The following PPME1 variants were observed in gnomAD, a reference collection of about 807,000 sequenced individuals.
PPME1 encodes the protein protein phosphatase methylesterase 1.
Under a neutral mutation model 56.9 loss-of-function variants are expected in PPME1, and 17 were observed. The ratio of observed to expected loss-of-function variants is 0.30; its 90% CI spans 0.20 to 0.45. The LOEUF is 0.45. Among genes scored for constraint, PPME1 ranks in the 20% least tolerant of loss-of-function variants. The probability of loss-of-function intolerance (pLI) is 1.00; values close to 1 mark genes in which losing one functional copy is unlikely to be tolerated. For synonymous variants in PPME1, 122 were observed against 156.2 expected (o/e 0.78, Z 1.63); for missense variants, 357 against 483.2 (o/e 0.74, Z 2.45).
chr11:74,194,714 A>G (rs1485733997), intron 1 of PPME1, among the ~76,000 whole-genome samples: 1 of 152,138 alleles, frequency 6.6e-6, no homozygotes, highest in Non-Finnish European at 1.5e-5. Context: ...AGTCCCTAAT[A>G]TAAGATGTCT....
At chr11:74,226,164 T>A (rs1858926912) in intron 5 of PPME1, among the ~76,000 whole-genome samples, 1 of 152,218 alleles carries the variant, frequency 6.6e-6, no homozygotes, top group Non-Finnish European at 1.5e-5. Flanking sequence ...ACTTTTTATC[T>A]GCCAACTTTC....
intron 11 of PPME1, chr11:74,247,870 G>A (rs915584908): frequency 7.2e-5 from 11 of 152,614 alleles, no homozygotes; most frequent in African/African-American, 2.4e-4. Flanking sequence ...TACCTGTTTA[G>A]AAGACAGCAT....
intron 3 of PPME1, among the ~76,000 whole-genome samples, chr11:74,215,288 T>C (rs557151803): frequency 6.6e-6 from 1 of 152,236 alleles, no homozygotes; most frequent in South Asian, 2.1e-4. Flanking sequence ...TGTAGTGAGC[T>C]GAGATCACAC....
In PPME1 at chr11:74,236,125, T is replaced by A. The variant is rs912899999; in HGVS notation, c.710+159T>A. ...TGAGTTCAGTTGGGACAGACATAGA[T>A]TTTCTTTCGCCTGCCTTCCTTTCTC... On this transcript the variant is annotated intron_variant, in intron 8 of 13. Transcript: ENST00000328257. 5 of 1,240,626 alleles carry A rather than the reference T, an allele frequency of 4.0e-6. No individual in the cohort carries two copies. The African/African-American group carries it at 7.6e-5, about 19-fold the overall frequency. 76.9% of individuals were successfully genotyped at this position (1,240,626 alleles called of 1,614,324 possible).
At chr11:74,214,705 T>C (rs1275841715) in intron 3 of PPME1, among the ~76,000 whole-genome samples, 9 of 152,046 alleles carry the variant, frequency 5.9e-5, no homozygotes, top group Non-Finnish European at 1.3e-4. Context: ...AAAAAAACTT[T>C]TATGCTAAAA....
At chr11:74,179,846 A>G (rs1299216178) in intron 1 of PPME1, among the ~76,000 whole-genome samples, 2 of 152,190 alleles carry the variant, frequency 1.3e-5, no homozygotes, top group African/African-American at 4.8e-5. Context: ...TAATAAGGAC[A>G]TTTTAAAAAC....
intron 1 of PPME1, among the ~76,000 whole-genome samples, chr11:74,188,003 T>C: frequency 6.6e-6 from 1 of 152,166 alleles, no homozygotes; most frequent in East Asian, 1.9e-4. Flanking sequence ...GCTTGCCGGC[T>C]TTAAAGTGGA....
At chr11:74,232,297 A>G (rs563953724) in intron 7 of PPME1, among the ~76,000 whole-genome samples, 1 of 152,390 alleles carries the variant, frequency 6.6e-6, no homozygotes, top group South Asian at 2.1e-4. Context: ...TTCTACTTTC[A>G]TATAGCATAT....
chr11:74,222,325 G>C lies in PPME1; in HGVS notation c.302G>C (p.Ser101Thr), dbSNP rs372623470. The C allele has an allele frequency of 2.5e-6, 4 of 1,611,410 alleles. No homozygotes were observed. The highest frequency in any genetic ancestry group is 2.5e-6 in the Non-Finnish European group (3 of 1,177,812). Residue 101 changes from serine to threonine, a missense_variant, in exon 4 of 14, where the codon AGT (serine) becomes ACT (threonine). By Grantham distance (58) the Ser-to-Thr change is moderately conservative (BLOSUM62 1). Coordinates refer to ENST00000328257, the MANE Select transcript of PPME1 (RefSeq NM_016147.3). The part of the protein sequence containing the change: ...SWAVFTAAII[S>T]RVQCRIVALD... Reference sequence around the variant, plus strand: ...TTTTTCTCCTAGGCAGCGATTATTAGTAGAGTTCAGTGTAGGATTGTAGCT... The same window carrying C: ...TTTTTCTCCTAGGCAGCGATTATTACTAGAGTTCAGTGTAGGATTGTAGCT...
intron 9 of PPME1, among the ~76,000 whole-genome samples, chr11:74,244,826 G>GT (rs1859465498): frequency 6.6e-6 from 1 of 152,080 alleles, no homozygotes; most frequent in Non-Finnish European, 1.5e-5. Flanking sequence ...TCTTCTAGGA[G>GT]TTTTATAGTC....
intron 1 of PPME1, among the ~76,000 whole-genome samples, chr11:74,173,520 C>T (rs1356206838): frequency 6.6e-6 from 1 of 151,856 alleles, no homozygotes; most frequent in Non-Finnish European, 1.5e-5. Context: ...AGTAATTTAT[C>T]GTTTTTATTT....
intron 3 of PPME1, among the ~76,000 whole-genome samples, chr11:74,220,328 G>A (rs1437659168): frequency 6.6e-6 from 1 of 152,158 alleles, no homozygotes; most frequent in Non-Finnish European, 1.5e-5. Flanking sequence ...TCTTGTCTCT[G>A]TTCTCTAGTC....
chr11:74,242,001 T>C (rs1405109054), intron 9 of PPME1, among the ~76,000 whole-genome samples: 1 of 152,236 alleles, frequency 6.6e-6, no homozygotes, highest in Non-Finnish European at 1.5e-5. Flanking sequence ...TTTATTTTTC[T>C]TTTTGTCCCT....
At chr11:74,191,581 A>G (rs1006735566) in intron 1 of PPME1, among the ~76,000 whole-genome samples, 31 of 152,204 alleles carry the variant, frequency 2.0e-4, no homozygotes, top group African/African-American at 7.0e-4. Flanking sequence ...CCAGAGACCT[A>G]GGAGGAGAGA....
At chr11:74,225,354 T>C (rs1471265942) in intron 5 of PPME1, 98 bp downstream of exon 5, 5 of 897,276 alleles carry the variant, frequency 5.6e-6, no homozygotes, top group Non-Finnish European at 6.5e-6. Flanking sequence ...TGTTGGGGAA[T>C]AATTACCACA....
At chr11:74,250,547 C>T (rs1348006646) in intron 11 of PPME1, 1 of 161,636 alleles carries the variant, frequency 6.2e-6, no homozygotes, top group African/African-American at 2.4e-5. Context: ...TCCTTCCTTC[C>T]TGGTTCCCTC....
intron 1 of PPME1, among the ~76,000 whole-genome samples, chr11:74,185,829 T>C (rs1857666763): frequency 6.6e-6 from 1 of 152,172 alleles, no homozygotes; most frequent in Admixed American, 6.5e-5. Flanking sequence ...GCTACAGCAG[T>C]CTGTGTTTAT....
intron 1 of PPME1, among the ~76,000 whole-genome samples, chr11:74,188,602 C>T (rs1329125001): frequency 6.6e-6 from 1 of 152,124 alleles, no homozygotes; most frequent in Non-Finnish European, 1.5e-5. Flanking sequence ...ATTATCTCTT[C>T]CCTTAACAAC....
chr11:74,183,732 C>G (rs548000616), intron 1 of PPME1, among the ~76,000 whole-genome samples: 1 of 152,168 alleles, frequency 6.6e-6, no homozygotes, highest in East Asian at 1.9e-4. Flanking sequence ...TTGATGGTGC[C>G]TTGTACATAC....
Sources: allele counts gnomAD v4.1 joint callset (sites outside exome capture counted in the v4.1 genomes callset), GRCh38; gene constraint gnomAD v4.1.1; transcripts MANE v1.5; gene names NCBI Gene and HGNC (gene_info 2026-07-23, HGNC 2026-07-21).